Variants in RIPOR2 observed in about 807,000 individuals in gnomAD.
RIPOR2 encodes RHO family interacting cell polarization regulator 2, also known as rho family-interacting cell polarization regulator 2.
Under a neutral mutation model 114.5 loss-of-function variants are expected in RIPOR2, and 39 were observed. That is an observed-to-expected ratio of 0.34 (90% CI 0.26 to 0.44). The LOEUF (loss-of-function observed/expected upper bound fraction) is 0.44. Among genes scored for constraint, RIPOR2 ranks in the 20% least tolerant of loss-of-function variants. The pLI is 1.00. For synonymous variants in RIPOR2, 445 were observed against 484.4 expected (o/e 0.92, Z 1.07); for missense variants, 1,007 against 1,255.1 (o/e 0.80, Z 2.99).
chr6:24,850,906 T>C (rs1762831144), intron 9 of RIPOR2, among the ~76,000 whole-genome samples, 184 bp from the exon 10 acceptor site: 1 of 151,546 alleles, frequency 6.6e-6, no homozygotes, highest in East Asian at 1.9e-4. Context: ...GACTTTTTTT[T>C]TTTTTTTGAG....
At chr6:24,941,377 A>G (rs917293750) in intron 1 of RIPOR2, among the ~76,000 whole-genome samples, 6 of 122,644 alleles carry the variant, frequency 4.9e-5, no homozygotes, top group Middle Eastern at 3.9e-3. Flanking sequence ...TAGAAACAGA[A>G]AAAAAAAAAA....
chr6:25,041,769 G>A (rs1777468177), intron 1 of RIPOR2: 7 of 658,544 alleles, frequency 1.1e-5, no homozygotes, highest in Non-Finnish European at 1.9e-5. Flanking sequence ...GAGAAGATTT[G>A]CAGAGGGCAA....
chr6:24,837,154 G>T (rs567151101), intron 14 of RIPOR2, among the ~76,000 whole-genome samples: 1 of 152,014 alleles, frequency 6.6e-6, no homozygotes, highest in Non-Finnish European at 1.5e-5. Context: ...ACGGAGTCTC[G>T]CACTGCCACC....
chr6:24,979,563 C>T (rs1188952443), intron 1 of RIPOR2, among the ~76,000 whole-genome samples: 1 of 152,138 alleles, frequency 6.6e-6, no homozygotes, highest in Non-Finnish European at 1.5e-5. Flanking sequence ...GAATTCTGGG[C>T]AAGAATTATT....
intron 1 of RIPOR2, among the ~76,000 whole-genome samples, chr6:25,016,041 C>T (rs1392648498): frequency 2.0e-5 from 3 of 151,320 alleles, no homozygotes; most frequent in Admixed American, 6.6e-5. Flanking sequence ...GTAGCTGGGA[C>T]TACAGGCAGG....
rs1416503847 is a variant in RIPOR2, at chr6:24,804,832, T to A, written c.*1541A>T. 6.6e-6 allele frequency: 1 copy of A among 152,242 alleles called. No homozygotes were observed. Among genetic ancestry groups the A allele is most frequent in the East Asian group, 1.9e-4 (1 of 5,202 alleles). 9.4% of individuals were successfully genotyped at this position (152,242 alleles called of 1,614,324 possible). A position where few individuals can be genotyped will look rare whatever the true frequency, so the allele number is the denominator to read the frequency against. On this transcript the variant is annotated 3_prime_UTR_variant, in exon 22 of 22. Transcript: ENST00000643898. ...CATATATTGTTTTGATACCTTGGCA[T>A]ACCCCACCTTGTACACTCTTTAGAG...
intron 17 of RIPOR2, 23 bp from the exon 18 acceptor site, chr6:24,828,318 A>G (rs755852393): frequency 5.9e-6 from 9 of 1,520,072 alleles, no homozygotes; most frequent in Non-Finnish European, 8.0e-6. Context: ...GAAAGACACA[A>G]AGCAGCTTTA....
chr6:24,910,359 C>T (rs961911645), intron 1 of RIPOR2, among the ~76,000 whole-genome samples: 1 of 152,180 alleles, frequency 6.6e-6, no homozygotes, highest in Non-Finnish European at 1.5e-5. Flanking sequence ...ACCCTTGAGA[C>T]TGCCATCCCA....
intron 5 of RIPOR2, among the ~76,000 whole-genome samples, 163 bp downstream of exon 5, chr6:24,870,703 G>T (rs879783335): frequency 3.9e-5 from 6 of 152,112 alleles, no homozygotes; most frequent in Non-Finnish European, 8.8e-5. Context: ...TGGTAGAGAT[G>T]GGATTTTGCC....
At chr6:25,015,888 G>GTGTTT (rs1775952082) in intron 1 of RIPOR2, 1 of 74,046 alleles carries the variant, frequency 1.4e-5, no homozygotes, top group Non-Finnish European at 2.7e-5. Context: ...AAAAACGCAG[G>GTGTTT]TTTTTTGGTT....
intron 1 of RIPOR2, chr6:24,929,376 C>A (rs1771201887): frequency 6.6e-6 from 1 of 152,194 alleles, no homozygotes; most frequent in Non-Finnish European, 1.5e-5. Context: ...GGAATCATCA[C>A]CCTCATAGTC....
At chr6:24,848,524 T>C (rs1422246588) in intron 11 of RIPOR2, among the ~76,000 whole-genome samples, 1 of 152,214 alleles carries the variant, frequency 6.6e-6, no homozygotes, top group African/African-American at 2.4e-5. Context: ...GCTAGATACC[T>C]TAATGGTATA....
chr6:24,897,839 T>C (rs1334220719), intron 1 of RIPOR2, among the ~76,000 whole-genome samples: 1 of 151,994 alleles, frequency 6.6e-6, no homozygotes, highest in Non-Finnish European at 1.5e-5. Context: ...GGATCTCGGC[T>C]CACTGCAACC....
intron 1 of RIPOR2, among the ~76,000 whole-genome samples, chr6:24,893,240 T>C (rs1767544530): frequency 6.6e-6 from 1 of 152,320 alleles, no homozygotes; most frequent in African/African-American, 2.4e-5. Flanking sequence ...TCTATTCCTG[T>C]GTATGTTTGA....
intron 1 of RIPOR2, among the ~76,000 whole-genome samples, chr6:24,944,773 A>G (rs1772324223): frequency 6.6e-6 from 1 of 152,212 alleles, no homozygotes; most frequent in Non-Finnish European, 1.5e-5. Context: ...GTAGAAAGTC[A>G]AAAACAAAGA....
chr6:24,958,321 T>C lies in RIPOR2; in HGVS notation c.77-82504A>G, dbSNP rs184162794. ...TGATCTAAGGAAGGATGGATTCTGATACTCAAAATTAATTTAACACAATAT... is the reference window on the plus strand; with the variant it reads ...TGATCTAAGGAAGGATGGATTCTGACACTCAAAATTAATTTAACACAATAT... On this transcript the variant is annotated intron_variant, in intron 1 of 13. Coordinates refer to the RIPOR2 transcript ENST00000510784. Among the ~76,000 whole-genome samples, 53 of 152,342 alleles carry C rather than the reference T, an allele frequency of 3.5e-4. 1 individual carries two copies. Among genetic ancestry groups the C allele is most frequent in the Non-Finnish European group, 5.9e-4 (40 of 68,034 alleles).
chr6:24,991,874 C>T (rs961037469), intron 1 of RIPOR2, among the ~76,000 whole-genome samples: 8 of 152,182 alleles, frequency 5.3e-5, no homozygotes, highest in African/African-American at 1.9e-4. Context: ...GGAAGCTAAC[C>T]CCATCCAGGC....
intron 1 of RIPOR2, among the ~76,000 whole-genome samples, chr6:24,888,441 G>T (rs1767030254): frequency 6.6e-6 from 1 of 152,118 alleles, no homozygotes; most frequent in South Asian, 2.1e-4. Context: ...TGACTTTACT[G>T]AAATTACCAT....
In RIPOR2 at chr6:24,843,195, C is replaced by T. The variant is rs369450376; in HGVS notation, c.1524G>A (p.Glu508=). 6 of 1,614,014 alleles carry T rather than the reference C, an allele frequency of 3.7e-6. No homozygotes were observed. The highest frequency in any genetic ancestry group is 2.2e-5 in the East Asian group (1 of 44,888). Residue 508 remains glutamate, a synonymous_variant, in exon 13 of 22, where the codon GAG becomes GAA. Coordinates refer to ENST00000643898, the MANE Select transcript of RIPOR2 (RefSeq NM_001286445.3). The stretch of plus-strand genomic sequence containing the variant: ...CAACATCATTCTCAAGGAACAGGTG[C>T]TCAGCCCCAGCACCTGAGGACTGTC... The part of the protein sequence containing the change: ...CRRQSSGAGA[E]HLFLENDVAE...
Sources: gnomAD v4.1 joint callset for allele counts (sites outside exome capture counted in the v4.1 genomes callset) on GRCh38, gnomAD v4.1.1 for gene constraint, MANE v1.5 for transcripts, NCBI Gene and HGNC (gene_info 2026-07-23, HGNC 2026-07-21) for gene names.